GPC5: variants seen among roughly 807,000 people sequenced by gnomAD.
GPC5 encodes the protein glypican 5.
Under a neutral mutation model 53.9 loss-of-function variants are expected in GPC5, and 47 were observed. That is an observed-to-expected ratio of 0.87 (90% CI 0.69 to 1.11). GPC5 has a LOEUF of 1.11. GPC5 is among the 50% of genes most tolerant of loss of function. The pLI is 0.00. For missense variants in GPC5, 748 were observed against 713.1 expected, an observed-to-expected ratio of 1.05 and a Z score of -0.56; for synonymous variants, 286 against 263.3, an observed-to-expected ratio of 1.09 and a Z score of -0.84.
chr13:92,281,753 A>T (rs9523587), intron 7 of GPC5, among the ~76,000 whole-genome samples: 1 of 152,122 alleles, frequency 6.6e-6, no homozygotes, highest in Non-Finnish European at 1.5e-5. Flanking sequence ...CTGTACATCA[A>T]CATCAGCAAC....
chr13:92,294,438 C>A (rs2043019375), intron 7 of GPC5, among the ~76,000 whole-genome samples: 2 of 152,098 alleles, frequency 1.3e-5, no homozygotes, highest in African/African-American at 4.8e-5. Flanking sequence ...AGGGTTGTAT[C>A]TTTCCAGGAA....
intron 7 of GPC5, among the ~76,000 whole-genome samples, chr13:92,773,501 A>G (rs1332333372): frequency 6.6e-6 from 1 of 152,216 alleles, no homozygotes; most frequent in East Asian, 1.9e-4. Context: ...ATTTTCAGAC[A>G]TATCCAATGA....
chr13:92,743,514 A>G (rs879706680), intron 7 of GPC5, among the ~76,000 whole-genome samples: 10 of 152,122 alleles, frequency 6.6e-5, no homozygotes, highest in Admixed American at 5.9e-4. Flanking sequence ...CTAGATATAC[A>G]ATCATGTCAT....
chr13:91,427,370 T>TCTTG (rs1038763653), intron 1 of GPC5, among the ~76,000 whole-genome samples: 6 of 152,172 alleles, frequency 3.9e-5, no homozygotes, highest in African/African-American at 9.7e-5. Flanking sequence ...GGATCCCACC[T>TCTTG]CTTGCATCAG....
At chr13:92,141,350 A>G (rs999827775) in intron 6 of GPC5, among the ~76,000 whole-genome samples, 1 of 152,176 alleles carries the variant, frequency 6.6e-6, no homozygotes, top group Non-Finnish European at 1.5e-5. Flanking sequence ...GGGATCCTGG[A>G]TATATCTGAA....
In GPC5 at chr13:92,135,212, A is replaced by G. The variant is rs146046991; in HGVS notation, c.1402-9618A>G. 5.9e-5 allele frequency among the ~76,000 whole-genome samples: 9 copies of G among 152,178 alleles called. No individual in the cohort carries two copies. In the East Asian group the frequency reaches 9.7e-4, roughly 16 times the overall value. ...GACATTAACTCTGGAGTTGTTTTGC[A>G]AGGCAGGTTGTTTGCTTTTTCACAA... On this transcript the variant is annotated intron_variant, in intron 6 of 7. Coordinates refer to ENST00000377067, the MANE Select transcript of GPC5 (RefSeq NM_004466.6).
intron 2 of GPC5, among the ~76,000 whole-genome samples, chr13:91,619,460 A>G (rs2033793143): frequency 6.6e-6 from 1 of 152,072 alleles, no homozygotes; most frequent in South Asian, 2.1e-4. Flanking sequence ...TGCACATTAT[A>G]TTAGAATTTG....
chr13:92,294,621 T>A (rs1436712287), intron 7 of GPC5, among the ~76,000 whole-genome samples: 4 of 152,050 alleles, frequency 2.6e-5, no homozygotes, highest in Non-Finnish European at 5.9e-5. Flanking sequence ...GTTAATGGCC[T>A]ATCAGTTTTA....
intron 7 of GPC5, among the ~76,000 whole-genome samples, chr13:92,359,256 C>G (rs2043546930): frequency 6.6e-6 from 1 of 151,624 alleles, no homozygotes; most frequent in Non-Finnish European, 1.5e-5. Flanking sequence ...AGTCTCTTTG[C>G]TAAAGCATAG....
chr13:92,633,473 G>GA (rs1336516735), intron 7 of GPC5, among the ~76,000 whole-genome samples: 2 of 151,962 alleles, frequency 1.3e-5, no homozygotes, highest in Non-Finnish European at 2.9e-5. Flanking sequence ...TTTTTGCACA[G>GA]AAAAAAGGTA....
intron 7 of GPC5, among the ~76,000 whole-genome samples, chr13:92,454,451 G>A (rs756068657): frequency 2.6e-5 from 4 of 152,120 alleles, no homozygotes; most frequent in East Asian, 1.9e-4. Flanking sequence ...AAGATTCAAC[G>A]GAATGGCCTT....
intron 7 of GPC5, among the ~76,000 whole-genome samples, chr13:92,332,182 T>C (rs949953013): frequency 2.6e-5 from 4 of 152,134 alleles, no homozygotes; most frequent in Non-Finnish European, 5.9e-5. Flanking sequence ...TTTCAGACCT[T>C]TTGGTTGAAT....
intron 7 of GPC5, among the ~76,000 whole-genome samples, chr13:92,628,304 C>A (rs1467698778): frequency 2.6e-3 from 91 of 35,648 alleles, no homozygotes; most frequent in African/African-American, 8.7e-3. Context: ...GAGATGTAGT[C>A]TCGCTCTGTC....
intron 7 of GPC5, among the ~76,000 whole-genome samples, chr13:92,788,689 A>G (rs976680363): frequency 1.3e-5 from 2 of 152,158 alleles, no homozygotes; most frequent in Non-Finnish European, 2.9e-5. Context: ...CCGTTTGGCT[A>G]ATACAGAAAG....
At chr13:92,734,784 T>C (rs906641564) in intron 7 of GPC5, among the ~76,000 whole-genome samples, 1 of 151,934 alleles carries the variant, frequency 6.6e-6, no homozygotes, top group Non-Finnish European at 1.5e-5. Flanking sequence ...CCTTTCTTCC[T>C]AAAATCTTCC....
Position 92,021,882 on chromosome 13 carries a change from T to C in GPC5, c.1401+113825T>C, listed in dbSNP as rs534962654. Among the ~76,000 whole-genome samples, 8 of 152,352 alleles carry C rather than the reference T, an allele frequency of 5.3e-5. No individual in the cohort carries two copies. In the South Asian group the frequency reaches 1.7e-3, roughly 32 times the overall value. ...ACATCCACCATTCCAATAATAATCATTTAGATTATTAGTCAAACTGTCCAG... is the reference window on the plus strand; with the variant it reads ...ACATCCACCATTCCAATAATAATCACTTAGATTATTAGTCAAACTGTCCAG... On this transcript the variant is annotated intron_variant, in intron 6 of 7. Coordinates refer to ENST00000377067, the MANE Select transcript of GPC5 (RefSeq NM_004466.6).
rs74544111 is a variant in GPC5, at chr13:92,078,832, C to T, written c.1402-65998C>T. ...GCCATTTTTAAAACTACACTATCTC[C>T]GTCCCGTTATGTTCAGGATAACACT... On this transcript the variant is annotated intron_variant, in intron 6 of 7. Transcript: ENST00000377067. Among the ~76,000 whole-genome samples, 794 of 152,220 alleles carry T rather than the reference C, an allele frequency of 5.2e-3. 12 individuals carry two copies. The highest frequency in any genetic ancestry group is 0.018 in the African/African-American group (756 of 41,532).
intron 5 of GPC5, among the ~76,000 whole-genome samples, chr13:91,761,296 A>G (rs553072111): frequency 6.6e-6 from 1 of 152,152 alleles, no homozygotes; most frequent in African/African-American, 2.4e-5. Flanking sequence ...CTCTCAAACC[A>G]TGTTTTTCCT....
intron 7 of GPC5, among the ~76,000 whole-genome samples, chr13:92,204,476 C>T (rs2042318564): frequency 1.3e-5 from 2 of 152,084 alleles, no homozygotes; most frequent in South Asian, 4.1e-4. Context: ...CCGAGTCTGC[C>T]CAGACTTCGG....
Sources: allele counts gnomAD v4.1 joint callset (sites outside exome capture counted in the v4.1 genomes callset), GRCh38; gene constraint gnomAD v4.1.1; transcripts MANE v1.5; gene names NCBI Gene and HGNC (gene_info 2026-07-23, HGNC 2026-07-21).